HECW2: variants seen among roughly 807,000 people sequenced by gnomAD.
The protein encoded by HECW2 is HECT, C2 and WW domain containing E3 ubiquitin protein ligase 2.
In HECW2, 61 loss-of-function variants were observed where a neutral mutation model predicts 175.2. The ratio of observed to expected loss-of-function variants is 0.35; its 90% CI spans 0.28 to 0.43. The LOEUF (loss-of-function observed/expected upper bound fraction) is 0.43, where lower values mean the gene tolerates loss of function less well. Among genes scored for constraint, HECW2 ranks in the 20% least tolerant of loss-of-function variants. The pLI, the probability that HECW2 is intolerant of heterozygous loss-of-function variation, is 1.00. For missense variants in HECW2, 1,524 were observed against 2,000.5 expected (o/e 0.76, Z 4.54); for synonymous variants, 671 against 731.0 (o/e 0.92, Z 1.32).
At chr2:196,434,212 C>T (rs190140246) in intron 1 of HECW2, among the ~76,000 whole-genome samples, 5 of 152,298 alleles carry the variant, frequency 3.3e-5, no homozygotes, top group East Asian at 3.9e-4. Context: ...GCCTGCTACA[C>T]GGTACATGTC....
intron 15 of HECW2, 103 bp downstream of exon 15, chr2:196,278,425 A>G: frequency 7.2e-7 from 1 of 1,385,456 alleles, no homozygotes; most frequent in African/African-American, 1.5e-5. Flanking sequence ...CAAAAAAAAA[A>G]AAAAGAAAAA....
intron 28 of HECW2, among the ~76,000 whole-genome samples, chr2:196,206,858 G>C (rs140732287): frequency 6.6e-6 from 1 of 152,304 alleles, no homozygotes; most frequent in African/African-American, 2.4e-5. Flanking sequence ...CCAAAGATGG[G>C]CTATTAGTGG....
intron 1 of HECW2, among the ~76,000 whole-genome samples, chr2:196,480,693 G>A (rs927153376): frequency 2.0e-5 from 3 of 152,174 alleles, no homozygotes; most frequent in Non-Finnish European, 4.4e-5. Flanking sequence ...ACAATGCCAC[G>A]CAAAACCTAG....
At chr2:196,339,671 C>G (rs1405209329) in intron 3 of HECW2, among the ~76,000 whole-genome samples, 1 of 152,200 alleles carries the variant, frequency 6.6e-6, no homozygotes, top group African/African-American at 2.4e-5. Context: ...GACCACAACC[C>G]ATAAAAGACT....
At chr2:196,242,568 T>C (rs1026497485) in intron 19 of HECW2, 2 of 205,632 alleles carry the variant, frequency 9.7e-6, no homozygotes, top group East Asian at 1.3e-4. Context: ...AATGATATCA[T>C]GGCAATTAGA....
At chr2:196,220,563 CAA>C (rs2105816000) in intron 25 of HECW2, among the ~76,000 whole-genome samples, 1 of 152,324 alleles carries the variant, frequency 6.6e-6, no homozygotes, top group South Asian at 2.1e-4. Flanking sequence ...ATTAAATCAA[CAA>C]ATGCTACTTG....
At chr2:196,575,902 C>T (rs1261004574) in intron 1 of HECW2, among the ~76,000 whole-genome samples, 1 of 151,446 alleles carries the variant, frequency 6.6e-6, no homozygotes, top group Admixed American at 6.6e-5. Flanking sequence ...CACTCATCAC[C>T]AACGGGAGGG....
chr2:196,348,203 C>A (rs16850092), intron 2 of HECW2, among the ~76,000 whole-genome samples: 4,163 of 152,264 alleles, frequency 0.027, 173 homozygotes, highest in African/African-American at 0.093. Flanking sequence ...GTAGCATTTT[C>A]TCTGCTCAGC....
intron 1 of HECW2, among the ~76,000 whole-genome samples, chr2:196,508,705 C>T (rs1484525573): frequency 6.6e-6 from 1 of 152,190 alleles, no homozygotes; most frequent in Non-Finnish European, 1.5e-5. Context: ...ACTTCATCCC[C>T]TAAAGGCATC....
At chr2:196,253,880 A>T (rs78278395) in intron 19 of HECW2, 40 bp downstream of exon 19, 38,643 of 1,584,250 alleles carry the variant, frequency 0.024, 1,239 homozygotes, top group East Asian at 0.16. Flanking sequence ...TTGAAGGTTC[A>T]CTCCTCAGAG....
intron 17 of HECW2, chr2:196,264,179 A>C (rs1156753402): frequency 6.6e-6 from 1 of 152,200 alleles, no homozygotes; most frequent in Non-Finnish European, 1.5e-5. Context: ...ATTTTATTAA[A>C]AACTACTTTG....
intron 28 of HECW2, among the ~76,000 whole-genome samples, chr2:196,212,317 ATTAG>A (rs1357039423): frequency 6.6e-6 from 1 of 151,960 alleles, no homozygotes; most frequent in African/African-American, 2.4e-5. Context: ...CCTAGTACCC[ATTAG>A]TTATTTTTCC....
chr2:196,246,611 C>T (rs1010924698), intron 19 of HECW2, among the ~76,000 whole-genome samples: 8 of 151,884 alleles, frequency 5.3e-5, no homozygotes, highest in African/African-American at 1.5e-4. Context: ...AGGATGATCT[C>T]GATCTCCTGA....
chr2:196,345,120 C>G (rs1302506128), intron 2 of HECW2, among the ~76,000 whole-genome samples: 1 of 152,192 alleles, frequency 6.6e-6, no homozygotes, highest in Non-Finnish European at 1.5e-5. Flanking sequence ...AATGGAAAGA[C>G]ATAACCCATT....
intron 2 of HECW2, among the ~76,000 whole-genome samples, chr2:196,419,726 T>C (rs1277540976): frequency 6.6e-6 from 1 of 152,238 alleles, no homozygotes; most frequent in African/African-American, 2.4e-5. Context: ...GGTGGCTACC[T>C]GGCTACTCGC....
At chr2:196,414,186 G>C (rs368176995) in intron 2 of HECW2, among the ~76,000 whole-genome samples, 1 of 152,172 alleles carries the variant, frequency 6.6e-6, no homozygotes, top group Non-Finnish European at 1.5e-5. Context: ...CTCTCCAGGG[G>C]ACTTGAGCAC....
chr2:196,227,344 A>G (rs967525472), intron 22 of HECW2, among the ~76,000 whole-genome samples: 1 of 152,230 alleles, frequency 6.6e-6, no homozygotes, highest in Non-Finnish European at 1.5e-5. Flanking sequence ...TTTGAAGTGT[A>G]TAAATGCAGA....
rs1531111 is a variant in HECW2 at position 196,319,597 on chromosome 2, C to G, written c.1293G>C (p.Pro431=). Residue 431 remains proline (P), a synonymous_variant, in exon 9 of 29, where the codon CCG becomes CCC. Transcript: ENST00000644978. ...ACCTCTCAGAGCAGGTCGCTGTCCC[C>G]GGCCTGGAGTGGCCATTGTGTTCGA... ...DAIEHNGHSR[P]GTATCSERSM... is the part of the protein sequence containing the mutation. The G allele has an allele frequency of 6.2e-7, 1 of 1,614,068 alleles. No homozygotes were observed. Among genetic ancestry groups the G allele is most frequent in the Non-Finnish European group, 8.5e-7 (1 of 1,180,010 alleles).
intron 3 of HECW2, among the ~76,000 whole-genome samples, chr2:196,335,808 T>A (rs1014254): frequency 0.64 from 98,117 of 152,160 alleles, 35,399 homozygotes; most frequent in East Asian, 0.95. Flanking sequence ...AGAAGATTTT[T>A]ACTACGTACC....
Sources: allele counts gnomAD v4.1 joint callset (sites outside exome capture counted in the v4.1 genomes callset), GRCh38; gene constraint gnomAD v4.1.1; transcripts MANE v1.5; gene names NCBI Gene and HGNC (gene_info 2026-07-23, HGNC 2026-07-21).